The following WDHD1 variants were observed in gnomAD, a reference collection of about 807,000 sequenced individuals.
The protein encoded by WDHD1 is WD repeat and HMG-box DNA binding protein 1.
A neutral mutation model predicts 135.4 loss-of-function variants in WDHD1; 111 were observed. The observed-to-expected ratio is 0.82, with a 90% CI of 0.70 to 0.96. The LOEUF (loss-of-function observed/expected upper bound fraction) is 0.96, where lower values mean the gene tolerates loss of function less well. Ranked by LOEUF, WDHD1 falls within the 40% of genes least tolerant of loss-of-function variation. The pLI is 0.00. For missense variants in WDHD1, 1,351 were observed against 1,336.3 expected (o/e 1.01, Z -0.17); for synonymous variants, 434 against 439.0 (o/e 0.99, Z 0.14).
intron 10 of WDHD1, among the ~76,000 whole-genome samples, chr14:54,996,173 G>C (rs552595713): frequency 6.6e-6 from 1 of 152,256 alleles, no homozygotes; most frequent in Non-Finnish European, 1.5e-5. Flanking sequence ...CATATTGTAA[G>C]ACAGTCTCTC....
chr14:55,008,582 C>A, intron 5 of WDHD1, 26 bp downstream of exon 5: 1 of 1,564,282 alleles, frequency 6.4e-7, no homozygotes, highest in South Asian at 1.2e-5. Context: ...AGGAAAAACA[C>A]AAAAAGAGAA....
At chr14:54,962,922 G>A (rs1374789886) in intron 19 of WDHD1, 30 bp downstream of exon 19, 4 of 1,612,444 alleles carry the variant, frequency 2.5e-6, no homozygotes, top group Admixed American at 3.3e-5. Flanking sequence ...GACAGTAAAG[G>A]AAAATTCAAA....
Position 54,981,645 on chromosome 14 carries a change from C to A in WDHD1, c.1958G>T (p.Gly653Val). Residue 653 changes from glycine (G) to valine (V), a missense_variant, in exon 16 of 26, where the codon GGA becomes GTA. Transcript: ENST00000360586. ...TATAGGAGTCCACGTATTACCAAGT[C>A]CTCTGTTAAGCATTCGAACAATTCC... ...SEGIVRMLNR[G>V]LGNTWTPICN... The A allele has an allele frequency of 6.2e-7, 1 of 1,611,892 alleles. No individual in the cohort carries two copies. Among genetic ancestry groups the A allele is most frequent in the South Asian group, 1.1e-5 (1 of 90,984 alleles).
intron 16 of WDHD1, among the ~76,000 whole-genome samples, chr14:54,977,825 G>T (rs1232565643): frequency 6.6e-6 from 1 of 151,396 alleles, no homozygotes; most frequent in Non-Finnish European, 1.5e-5. Context: ...GTTACCAGCT[G>T]TAATTATCGT....
chr14:54,961,897 C>A (rs1437608523), intron 21 of WDHD1, among the ~76,000 whole-genome samples: 2 of 151,100 alleles, frequency 1.3e-5, no homozygotes, highest in Non-Finnish European at 2.9e-5. Context: ...AGTGCAATGG[C>A]ACGATCTCGG....
intron 24 of WDHD1, among the ~76,000 whole-genome samples, chr14:54,947,267 G>C (rs1324620600): frequency 6.6e-6 from 1 of 152,148 alleles, no homozygotes; most frequent in African/African-American, 2.4e-5. Flanking sequence ...TGAACCCAGA[G>C]GCAGAGGTTG....
chr14:54,995,514 A>G, intron 11 of WDHD1, 89 bp downstream of exon 11: 1 of 1,053,154 alleles, frequency 9.5e-7, no homozygotes, highest in Non-Finnish European at 1.3e-6. Context: ...GCTACATTCT[A>G]CAAATTCAAT....
intron 16 of WDHD1, among the ~76,000 whole-genome samples, chr14:54,976,793 AG>A (rs980889575): frequency 3.1e-4 from 47 of 152,148 alleles, no homozygotes; most frequent in Non-Finnish European, 6.2e-4. Flanking sequence ...CCAAAAAAAA[AG>A]AAAAATATTC....
intron 8 of WDHD1, among the ~76,000 whole-genome samples, chr14:55,001,665 T>C (rs1450461469): frequency 6.6e-6 from 1 of 152,212 alleles, no homozygotes; most frequent in Non-Finnish European, 1.5e-5. Flanking sequence ...TGAAGAAAAC[T>C]AGTAAGTGAA....
At chr14:54,996,745 A>G (rs945127952) in intron 10 of WDHD1, among the ~76,000 whole-genome samples, 3 of 152,198 alleles carry the variant, frequency 2.0e-5, no homozygotes, top group Non-Finnish European at 4.4e-5. Flanking sequence ...TCTAATGAGA[A>G]CACCATTAAC....
At chr14:54,946,505 A>G (rs1224689179) in intron 24 of WDHD1, among the ~76,000 whole-genome samples, 1 of 152,200 alleles carries the variant, frequency 6.6e-6, no homozygotes, top group African/African-American at 2.4e-5. Flanking sequence ...TTGTTTTAAG[A>G]GAAAGGGTCT....
intron 2 of WDHD1, among the ~76,000 whole-genome samples, chr14:55,021,679 C>T (rs1209771650): frequency 6.6e-6 from 1 of 152,180 alleles, no homozygotes; most frequent in African/African-American, 2.4e-5. Flanking sequence ...AGCCACCGCG[C>T]CCAGCCATGT....
At chr14:55,017,718 G>A (rs533272547) in intron 2 of WDHD1, among the ~76,000 whole-genome samples, 18 of 152,258 alleles carry the variant, frequency 1.2e-4, no homozygotes, top group African/African-American at 4.3e-4. Flanking sequence ...TACAATTCAT[G>A]ATTCTATCCA....
chr14:54,991,085 A>G (rs1156549767), intron 12 of WDHD1, 128 bp downstream of exon 12: 1 of 538,336 alleles, frequency 1.9e-6, no homozygotes, highest in Non-Finnish European at 3.3e-6. Context: ...CAAAACTGTA[A>G]TCAACCAAAG....
chr14:54,971,499 A>C (rs1383980624), intron 16 of WDHD1, among the ~76,000 whole-genome samples: 1 of 152,202 alleles, frequency 6.6e-6, no homozygotes. Context: ...GCACACACAC[A>C]AAATACCTAG....
chr14:54,981,369 G>T (rs1278272761), intron 16 of WDHD1, among the ~76,000 whole-genome samples, 171 bp downstream of exon 16: 1 of 152,132 alleles, frequency 6.6e-6, no homozygotes, highest in Non-Finnish European at 1.5e-5. Flanking sequence ...TTCAAGTAAA[G>T]CAAGTGACTG....
chr14:55,026,321 T>TA (rs10628556), intron 2 of WDHD1, among the ~76,000 whole-genome samples: 5,425 of 150,740 alleles, frequency 0.036, 288 homozygotes, highest in African/African-American at 0.12. Flanking sequence ...GTCAAAAAGT[T>TA]AAAAAAAAAT....
intron 2 of WDHD1, among the ~76,000 whole-genome samples, chr14:55,025,368 A>G (rs1399654950): frequency 6.6e-6 from 1 of 151,390 alleles, no homozygotes; most frequent in African/African-American, 2.4e-5. Flanking sequence ...GGGATCCTCC[A>G]TATGCTGAAC....
At chr14:54,945,416 A>G (rs529903112) in intron 24 of WDHD1, among the ~76,000 whole-genome samples, 1 of 152,234 alleles carries the variant, frequency 6.6e-6, no homozygotes, top group African/African-American at 2.4e-5. Flanking sequence ...TGAGATGGAT[A>G]CAGTTATTAT....
Sources: allele counts gnomAD v4.1 joint callset (sites outside exome capture counted in the v4.1 genomes callset), GRCh38; gene constraint gnomAD v4.1.1; transcripts MANE v1.5; gene names NCBI Gene and HGNC (gene_info 2026-07-23, HGNC 2026-07-21).